AGBL4: variants seen among roughly 807,000 people sequenced by gnomAD.
The protein encoded by AGBL4 is AGBL carboxypeptidase 4.
Under a neutral mutation model 66.4 loss-of-function variants are expected in AGBL4, and 58 were observed. That is an observed-to-expected ratio of 0.87 (90% CI 0.71 to 1.09). The LOEUF is 1.09. AGBL4 is among the 50% of genes least tolerant of loss of function. The pLI is 0.00. For missense variants in AGBL4, 579 were observed against 631.0 expected, an observed-to-expected ratio of 0.92 and a Z score of 0.88; for synonymous variants, 234 against 222.9, an observed-to-expected ratio of 1.05 and a Z score of -0.44.
intron 5 of AGBL4, among the ~76,000 whole-genome samples, chr1:49,040,633 CTGATACA>C (rs1395427408): frequency 6.6e-6 from 1 of 152,070 alleles, no homozygotes; most frequent in African/African-American, 2.4e-5. Flanking sequence ...AAATGAACTA[CTGATACA>C]TGCTATAATA....
chr1:49,908,390 G>A (rs1650481743), intron 1 of AGBL4, among the ~76,000 whole-genome samples: 1 of 152,112 alleles, frequency 6.6e-6, no homozygotes, highest in African/African-American at 2.4e-5. Flanking sequence ...AATAGTGAGT[G>A]AGTTATTGCA....
At chr1:49,333,244 C>T (rs547501338) in intron 3 of AGBL4, among the ~76,000 whole-genome samples, 2 of 152,122 alleles carry the variant, frequency 1.3e-5, no homozygotes, top group Non-Finnish European at 2.9e-5. Context: ...CTTTGGGAGG[C>T]CAAGGCGGGT....
chr1:49,483,954 A>G (rs1415744223), intron 3 of AGBL4, among the ~76,000 whole-genome samples: 1 of 152,094 alleles, frequency 6.6e-6, no homozygotes, highest in Non-Finnish European at 1.5e-5. Context: ...CTGAATATAC[A>G]TCTCTCAAAA....
intron 1 of AGBL4, among the ~76,000 whole-genome samples, chr1:49,988,341 GT>G (rs1659675789): frequency 6.6e-6 from 1 of 152,044 alleles, no homozygotes; most frequent in Non-Finnish European, 1.5e-5. Flanking sequence ...ATTTCATTTT[GT>G]TTGTCAGGGA....
chr1:48,974,481 C>G (rs778652079), intron 5 of AGBL4, among the ~76,000 whole-genome samples: 5 of 152,096 alleles, frequency 3.3e-5, no homozygotes, highest in Non-Finnish European at 7.4e-5. Flanking sequence ...TGTTATAGAC[C>G]TGAGGAGGAG....
chr1:48,578,993 G>A (rs1317975100), intron 11 of AGBL4, among the ~76,000 whole-genome samples: 1 of 151,992 alleles, frequency 6.6e-6, no homozygotes, highest in Non-Finnish European at 1.5e-5. Context: ...TGACTTTATA[G>A]TACCTCGTAG....
At chr1:49,842,460 C>T (rs1646021474) in intron 2 of AGBL4, 1 of 910,684 alleles carries the variant, frequency 1.1e-6, no homozygotes, top group Non-Finnish European at 1.3e-6. Flanking sequence ...TCTGCATGTG[C>T]TCTCTAATTC....
chr1:49,708,906 T>G (rs1478233713), intron 2 of AGBL4, among the ~76,000 whole-genome samples: 2 of 152,190 alleles, frequency 1.3e-5, no homozygotes, highest in African/African-American at 4.8e-5. Flanking sequence ...CAAAGATTGC[T>G]GCCTGCTCCT....
chr1:49,646,841 A>G (rs1558129333), intron 3 of AGBL4, among the ~76,000 whole-genome samples: 1 of 152,012 alleles, frequency 6.6e-6, no homozygotes, highest in East Asian at 1.9e-4. Flanking sequence ...ACATAAATGA[A>G]ACAGAATAGA....
intron 4 of AGBL4, among the ~76,000 whole-genome samples, chr1:49,147,875 G>A (rs1646250347): frequency 6.6e-6 from 1 of 152,024 alleles, no homozygotes; most frequent in African/African-American, 2.4e-5. Context: ...TAGGCTGGGG[G>A]AGAGGAGTCT....
chr1:49,632,771 C>A (rs1341532362), intron 3 of AGBL4, among the ~76,000 whole-genome samples: 1 of 152,120 alleles, frequency 6.6e-6, no homozygotes, highest in African/African-American at 2.4e-5. Flanking sequence ...TATGGGTGAG[C>A]AAACAGGAAG....
At chr1:48,612,619 A>G (rs1474852969) in intron 9 of AGBL4, among the ~76,000 whole-genome samples, 1 of 152,244 alleles carries the variant, frequency 6.6e-6, no homozygotes, top group African/African-American at 2.4e-5. Context: ...CATTAACAAT[A>G]TCTTGCACCT....
chr1:49,495,198 AT>A, intron 3 of AGBL4, among the ~76,000 whole-genome samples: 1 of 152,172 alleles, frequency 6.6e-6, no homozygotes, highest in Middle Eastern at 3.4e-3. Flanking sequence ...ATCATATAAA[AT>A]TTTATCTAAC....
chr1:49,871,633 G>A (rs1490306472), intron 1 of AGBL4, among the ~76,000 whole-genome samples: 1 of 151,968 alleles, frequency 6.6e-6, no homozygotes, highest in Admixed American at 6.6e-5. Context: ...AAATCATATA[G>A]GAAGCACTGT....
At chr1:48,542,212 G>A (rs965623964) in intron 11 of AGBL4, among the ~76,000 whole-genome samples, 1 of 152,196 alleles carries the variant, frequency 6.6e-6, no homozygotes, top group African/African-American at 2.4e-5. Flanking sequence ...TGGTGCATAT[G>A]TGCCACATTT....
intron 4 of AGBL4, among the ~76,000 whole-genome samples, chr1:49,104,663 G>C (rs1645261106): frequency 6.6e-6 from 1 of 151,972 alleles, no homozygotes; most frequent in South Asian, 2.1e-4. Flanking sequence ...GTGTAGTTCT[G>C]TTGCCTCTCA....
intron 3 of AGBL4, among the ~76,000 whole-genome samples, chr1:49,344,661 A>T (rs1315050361): frequency 6.6e-6 from 1 of 152,190 alleles, no homozygotes; most frequent in South Asian, 2.1e-4. Context: ...AAACTAAAAA[A>T]TTTTAAGTTT....
rs528841550 is a variant in AGBL4 at position 49,794,869 on chromosome 1, G to A, written c.157+56527C>T. Among the ~76,000 whole-genome samples, 7 of 151,970 alleles carry A rather than the reference G, an allele frequency of 4.6e-5. No homozygotes were observed. The South Asian group carries it at 6.2e-4, about 13-fold the overall frequency. On this transcript the variant is annotated intron_variant, in intron 2 of 13. Transcript: ENST00000371839. ...GTATTAATTCACTCATGGCTATTTCGTTTTGAGGTCTAGAAATTGGTGATG... is the reference window on the plus strand; with the variant it reads ...GTATTAATTCACTCATGGCTATTTCATTTTGAGGTCTAGAAATTGGTGATG...
At chr1:49,766,779 G>C (rs1320655894) in intron 2 of AGBL4, among the ~76,000 whole-genome samples, 1 of 151,820 alleles carries the variant, frequency 6.6e-6, no homozygotes, top group Non-Finnish European at 1.5e-5. Context: ...ACAGAGGTCA[G>C]GTCAATGTTC....
Sources: gnomAD v4.1 joint callset for allele counts (sites outside exome capture counted in the v4.1 genomes callset) on GRCh38, gnomAD v4.1.1 for gene constraint, MANE v1.5 for transcripts, NCBI Gene and HGNC (gene_info 2026-07-23, HGNC 2026-07-21) for gene names.